Variants in SSH2 observed in about 807,000 individuals in gnomAD.
The protein encoded by SSH2 is slingshot protein phosphatase 2, also known as protein phosphatase Slingshot homolog 2.
A neutral mutation model predicts 135.2 loss-of-function variants in SSH2; 37 were observed. The observed-to-expected ratio is 0.27, with a 90% CI of 0.21 to 0.36. The LOEUF is 0.36. SSH2 is among the 10% of genes least tolerant of loss of function. The pLI is 1.00. For synonymous variants in SSH2, 628 were observed against 646.2 expected (o/e 0.97, Z 0.43); for missense variants, 1,408 against 1,765.3 (o/e 0.80, Z 3.63).
chr17:29,927,113 G>A (rs188020540), intron 1 of SSH2, among the ~76,000 whole-genome samples: 55 of 152,216 alleles, frequency 3.6e-4, no homozygotes, highest in Non-Finnish European at 5.4e-4. Flanking sequence ...CATGTAAAGC[G>A]CTTAACATGA....
In SSH2 at chr17:29,687,582, G is replaced by A. The variant is rs114577320; in HGVS notation, c.358-2898C>T. ...ATAGTAAATGTACATGTGGCAGACC[G>A]GGAGGCAGTACTGACTCCTTCTCTG... On this transcript the variant is annotated intron_variant, in intron 5 of 15. Coordinates refer to ENST00000540801, the MANE Select transcript of SSH2 (RefSeq NM_001282129.2). 5.7e-3 allele frequency among the ~76,000 whole-genome samples: 866 copies of A among 152,268 alleles called. 9 individuals carry two copies. Among genetic ancestry groups the A allele is most frequent in the African/African-American group, 0.02 (816 of 41,556 alleles).
intron 1 of SSH2, among the ~76,000 whole-genome samples, chr17:29,904,622 A>G (rs914767598): frequency 2.0e-5 from 3 of 152,122 alleles, no homozygotes; most frequent in South Asian, 2.1e-4. Flanking sequence ...CACCACTCCT[A>G]TCAACACAGT....
At chr17:29,704,704 TAAAAAAAA>T (rs773267123) in intron 3 of SSH2, among the ~76,000 whole-genome samples, 1 of 98,192 alleles carries the variant, frequency 1.0e-5, no homozygotes, top group African/African-American at 3.8e-5. Flanking sequence ...CTCTGTCTCT[TAAAAAAAA>T]AAAAAAAAAA....
At chr17:29,803,620 T>C (rs374000211) in intron 2 of SSH2, among the ~76,000 whole-genome samples, 31 of 152,100 alleles carry the variant, frequency 2.0e-4, no homozygotes, top group East Asian at 1.5e-3. Flanking sequence ...GGAATTAGAT[T>C]CCCTTCGCAC....
Position 29,829,871 on chromosome 17 carries a change from G to A in SSH2, c.144+18978C>T, listed in dbSNP as rs1464970948. On this transcript the variant is annotated intron_variant, in intron 2 of 15. Coordinates refer to ENST00000540801, the MANE Select transcript of SSH2 (RefSeq NM_001282129.2). ...TTTTTTTTTTTTGAGACAGAGTCTC[G>A]CTCTATCGCCCAGGCTGGAGTGCAG... Among the ~76,000 whole-genome samples the A allele has an allele frequency of 5.0e-5, 7 of 140,978 alleles. No individual in the cohort carries two copies. The East Asian group carries it at 8.1e-4, about 16-fold the overall frequency. The allele number at this position is 140,978 out of a possible 152,430, so 92.5% of individuals were successfully genotyped here. A position where few individuals can be genotyped will look rare whatever the true frequency, so the allele number is the denominator to read the frequency against.
At chr17:29,881,998 T>G (rs1007259145) in intron 1 of SSH2, among the ~76,000 whole-genome samples, 1 of 152,232 alleles carries the variant, frequency 6.6e-6, no homozygotes, top group African/African-American at 2.4e-5. Flanking sequence ...ATTATTTGCT[T>G]CTTAAGATGT....
At chr17:29,716,869 A>G (rs961154852) in intron 3 of SSH2, among the ~76,000 whole-genome samples, 3 of 151,932 alleles carry the variant, frequency 2.0e-5, no homozygotes, top group African/African-American at 7.3e-5. Flanking sequence ...TTTGCCAATG[A>G]TTTCCCCAGT....
At chr17:29,787,052 ACAATGTTGTG>A (rs1377023035) in intron 3 of SSH2, among the ~76,000 whole-genome samples, 3 of 152,232 alleles carry the variant, frequency 2.0e-5, no homozygotes, top group Non-Finnish European at 2.9e-5. Flanking sequence ...AAGTACGTTC[ACAATGTTGTG>A]CAACCACCAC....
intron 3 of SSH2, among the ~76,000 whole-genome samples, chr17:29,733,958 T>C (rs2040284267): frequency 6.7e-6 from 1 of 149,856 alleles, no homozygotes; most frequent in African/African-American, 2.5e-5. Flanking sequence ...TCGCCCAGGC[T>C]AGAATGCAGT....
intron 1 of SSH2, among the ~76,000 whole-genome samples, chr17:29,913,345 A>ATTATATATAT (rs1463500620): frequency 1.1e-4 from 4 of 37,518 alleles, no homozygotes; most frequent in Non-Finnish European, 1.6e-4. Flanking sequence ...AAAAAAAAAA[A>ATTATATATAT]AAATATATAT....
intron 3 of SSH2, among the ~76,000 whole-genome samples, chr17:29,730,743 G>A (rs534750637): frequency 2.0e-4 from 31 of 152,124 alleles, no homozygotes; most frequent in Middle Eastern, 6.8e-3. Context: ...CCAGCCTAAT[G>A]TGATTATTAC....
chr17:29,778,636 G>A (rs2041764112), intron 3 of SSH2, among the ~76,000 whole-genome samples: 3 of 147,136 alleles, frequency 2.0e-5, no homozygotes, highest in South Asian at 4.3e-4. Context: ...GTGAGATTCT[G>A]TCTAAAAAAA....
At chr17:29,746,688 G>C (rs967019341) in intron 3 of SSH2, among the ~76,000 whole-genome samples, 1 of 151,944 alleles carries the variant, frequency 6.6e-6, no homozygotes, top group Non-Finnish European at 1.5e-5. Context: ...TCAGAGGAGA[G>C]TCCTGAAGAA....
At chr17:29,679,340 A>G (rs1410758388) in intron 6 of SSH2, among the ~76,000 whole-genome samples, 1 of 152,122 alleles carries the variant, frequency 6.6e-6, no homozygotes, top group Non-Finnish European at 1.5e-5. Flanking sequence ...GGTTCACAGT[A>G]TGATTATGGG....
chr17:29,748,921 C>A (rs1423810298), intron 3 of SSH2, among the ~76,000 whole-genome samples: 2 of 152,014 alleles, frequency 1.3e-5, no homozygotes. Flanking sequence ...CCAAGCCTAG[C>A]AATATGTTAA....
chr17:29,720,101 C>A (rs2039770095), intron 3 of SSH2, among the ~76,000 whole-genome samples: 1 of 152,220 alleles, frequency 6.6e-6, no homozygotes, highest in South Asian at 2.1e-4. Context: ...TTTAAAACAT[C>A]ACTCCCTGGC....
chr17:29,749,184 CCTT>C (rs897190198), intron 3 of SSH2, among the ~76,000 whole-genome samples: 1 of 152,144 alleles, frequency 6.6e-6, no homozygotes, highest in African/African-American at 2.4e-5. Context: ...ACATAAGAAG[CCTT>C]CTTTTCACAC....
At chr17:29,813,723 C>T (rs2042492898) in intron 2 of SSH2, among the ~76,000 whole-genome samples, 1 of 151,632 alleles carries the variant, frequency 6.6e-6, no homozygotes, top group African/African-American at 2.4e-5. Flanking sequence ...GAGGCTGAGG[C>T]AGGAGAATCG....
rs574078162 is a variant in SSH2 at position 29,854,153 on chromosome 17, T to G, written c.64-5224A>C. ...AATTTTGCTTATATCAAGTCTTAAG[T>G]GCTTTTCATTCTTAAAGACAAAATC... is the stretch of plus-strand genomic sequence containing the variant. On this transcript the variant is annotated intron_variant, in intron 1 of 15. Coordinates refer to ENST00000540801, the MANE Select transcript of SSH2 (RefSeq NM_001282129.2). 2.0e-5 allele frequency among the ~76,000 whole-genome samples: 3 copies of G among 152,056 alleles called. No individual in the cohort carries two copies. The South Asian group carries it at 6.2e-4, about 31-fold the overall frequency.
Sources: gnomAD v4.1 joint callset for allele counts (sites outside exome capture counted in the v4.1 genomes callset) on GRCh38, gnomAD v4.1.1 for gene constraint, MANE v1.5 for transcripts, NCBI Gene and HGNC (gene_info 2026-07-23, HGNC 2026-07-21) for gene names.